EPHA7: variants seen among roughly 807,000 people sequenced by gnomAD.
The protein encoded by EPHA7 is EPH receptor A7, also known as ephrin type-A receptor 7.
In EPHA7, 25 loss-of-function variants were observed where a neutral mutation model predicts 112.6. The ratio of observed to expected loss-of-function variants is 0.22; its 90% CI spans 0.16 to 0.31. EPHA7 has a LOEUF of 0.31. Among genes scored for constraint, EPHA7 ranks in the 10% least tolerant of loss-of-function variants. The pLI is 1.00. For synonymous variants in EPHA7, 437 were observed against 406.5 expected (o/e 1.07, Z -0.90); for missense variants, 962 against 1,212.6 (o/e 0.79, Z 3.07).
At chr6:93,343,387 T>C (rs1775235171) in intron 5 of EPHA7, among the ~76,000 whole-genome samples, 1 of 151,680 alleles carries the variant, frequency 6.6e-6, no homozygotes, top group African/African-American at 2.4e-5. Flanking sequence ...ATAAAAAAAT[T>C]CAAAGTCAAA....
At chr6:93,310,540 C>T (rs1336374052) in intron 5 of EPHA7, among the ~76,000 whole-genome samples, 6 of 151,930 alleles carry the variant, frequency 3.9e-5, no homozygotes, top group Non-Finnish European at 7.4e-5. Context: ...TGGCGGGCGC[C>T]TGTAATCCCA....
At chr6:93,284,365 G>T (rs749363525) in intron 5 of EPHA7, among the ~76,000 whole-genome samples, 41 of 150,908 alleles carry the variant, frequency 2.7e-4, no homozygotes, top group Non-Finnish European at 5.0e-4. Context: ...TCAGAGTGAT[G>T]ATCTGTAAAG....
chr6:93,418,249 C>A (rs998251160), intron 1 of EPHA7, among the ~76,000 whole-genome samples: 4 of 152,052 alleles, frequency 2.6e-5, no homozygotes, highest in Non-Finnish European at 1.5e-5. Flanking sequence ...TTTTCCCCAG[C>A]TCCAACTACA....
chr6:93,259,622 A>AC, intron 9 of EPHA7, 143 bp from the exon 10 acceptor site: 1 of 910,518 alleles, frequency 1.1e-6, no homozygotes, highest in African/African-American at 1.7e-5. Flanking sequence ...TTAACAGACT[A>AC]CTTCAGTCTG....
At chr6:93,345,231 C>T (rs1775341723) in intron 5 of EPHA7, among the ~76,000 whole-genome samples, 1 of 151,516 alleles carries the variant, frequency 6.6e-6, no homozygotes, top group African/African-American at 2.4e-5. Context: ...TATACAATTT[C>T]CATTATGGAT....
At chr6:93,278,032 T>C (rs1195325202) in intron 5 of EPHA7, among the ~76,000 whole-genome samples, 1 of 152,042 alleles carries the variant, frequency 6.6e-6, no homozygotes, top group East Asian at 1.9e-4. Flanking sequence ...TTCTGTTCTT[T>C]AAGGCAGCGA....
chr6:93,357,917 C>T (rs1319592411), intron 4 of EPHA7, among the ~76,000 whole-genome samples: 1 of 152,070 alleles, frequency 6.6e-6, no homozygotes, highest in East Asian at 1.9e-4. Context: ...GCCTTGGCCT[C>T]CCAAAGTGCT....
intron 5 of EPHA7, among the ~76,000 whole-genome samples, chr6:93,347,381 G>A (rs1582565574): frequency 1.3e-5 from 2 of 151,708 alleles, no homozygotes; most frequent in African/African-American, 2.4e-5. Flanking sequence ...ATTACTATTG[G>A]TCATTTTCTG....
chr6:93,266,698 C>A (rs1195166219), intron 7 of EPHA7, among the ~76,000 whole-genome samples: 1 of 151,632 alleles, frequency 6.6e-6, no homozygotes, highest in Non-Finnish European at 1.5e-5. Context: ...TGCATCTTAC[C>A]TTCTGACCTG....
intron 3 of EPHA7, among the ~76,000 whole-genome samples, chr6:93,362,136 TCCTA>T (rs1742107381): frequency 6.6e-6 from 1 of 152,056 alleles, no homozygotes; most frequent in African/African-American, 2.4e-5. Context: ...AAGCTCATTA[TCCTA>T]GAGTTAAAAC....
intron 5 of EPHA7, among the ~76,000 whole-genome samples, chr6:93,305,179 C>T (rs1051088030): frequency 6.6e-6 from 1 of 151,574 alleles, no homozygotes; most frequent in African/African-American, 2.4e-5. Flanking sequence ...AGAATCAATG[C>T]ACAACTGAAA....
rs537525204 is a variant in EPHA7 at position 93,367,616 on chromosome 6, AAC to A, written c.833-9207_833-9206del. Among the ~76,000 whole-genome samples, 3 of 151,844 alleles carry A rather than the reference AAC, an allele frequency of 2.0e-5. No individual in the cohort carries two copies. In the East Asian group the frequency reaches 5.8e-4, roughly 29 times the overall value. ...TTTATATCAATTATAAGACTGTTAG[AAC>A]ACACACACACACAAATTATAAGACT... On this transcript the variant is annotated intron_variant, in intron 3 of 16. Transcript: ENST00000369303.
chr6:93,378,136 T>C (rs1777153886), intron 3 of EPHA7, among the ~76,000 whole-genome samples: 1 of 151,732 alleles, frequency 6.6e-6, no homozygotes, highest in Non-Finnish European at 1.5e-5. Context: ...AAATAACTAA[T>C]AGAGAGGAAA....
chr6:93,251,598 G>A (rs1487938442), intron 14 of EPHA7, among the ~76,000 whole-genome samples: 1 of 139,204 alleles, frequency 7.2e-6, no homozygotes, highest in Non-Finnish European at 1.6e-5. Context: ...AAATACTAAT[G>A]TAAGAAAAAT....
At position 93,356,884 on chromosome 6, in the gene EPHA7, A is replaced by G. The variant is rs1252412601; in HGVS notation, c.1157T>C (p.Ile386Thr). 5.6e-6 allele frequency: 9 copies of G among 1,614,168 alleles called. No individual in the cohort carries two copies. Among genetic ancestry groups the G allele is most frequent in the South Asian group, 1.1e-5 (1 of 91,084 alleles). ...TCCAGTCTGCTGGGGCATGTATCCA[A>G]TGTTACTCCCACAGGGAACACATTC... ...QGECVPCGSN[I>T]GYMPQQTGLE... is the part of the protein sequence containing the mutation. Residue 386 changes from isoleucine to threonine, a missense_variant, in exon 5 of 17, where the codon ATT (isoleucine) becomes ACT (threonine). Transcript: ENST00000369303.
At chr6:93,414,891 T>C (rs1041516959) in intron 1 of EPHA7, 124 bp from the exon 2 acceptor site, 111 of 728,134 alleles carry the variant, frequency 1.5e-4, no homozygotes, top group Non-Finnish European at 1.9e-4. Context: ...GTTATTTATG[T>C]AAATCAATGG....
intron 5 of EPHA7, among the ~76,000 whole-genome samples, chr6:93,324,392 A>G (rs1418900312): frequency 6.6e-6 from 1 of 151,388 alleles, no homozygotes; most frequent in Non-Finnish European, 1.5e-5. Context: ...CAGTGCCACT[A>G]GATTTTCTAG....
chr6:93,389,211 TAGAC>T (rs1777781252), intron 3 of EPHA7, among the ~76,000 whole-genome samples: 2 of 152,254 alleles, frequency 1.3e-5, no homozygotes, highest in East Asian at 3.9e-4. Context: ...TACCATGAGT[TAGAC>T]AGTGTGTTAA....
At chr6:93,264,765 T>TG in intron 7 of EPHA7, 63 bp from the exon 8 acceptor site, 1 of 882,110 alleles carries the variant, frequency 1.1e-6, no homozygotes, top group Non-Finnish European at 1.7e-6. Flanking sequence ...AAAGGTTAAA[T>TG]AAAATTAGAG....
Sources: allele counts gnomAD v4.1 joint callset (sites outside exome capture counted in the v4.1 genomes callset), GRCh38; gene constraint gnomAD v4.1.1; transcripts MANE v1.5; gene names NCBI Gene and HGNC (gene_info 2026-07-23, HGNC 2026-07-21).